Variants in TNKS observed in about 807,000 individuals in gnomAD.
TNKS encodes the protein tankyrase.
Under a neutral mutation model 135.8 loss-of-function variants are expected in TNKS, and 72 were observed. That is an observed-to-expected ratio of 0.53 (90% CI 0.44 to 0.64). The LOEUF (loss-of-function observed/expected upper bound fraction) is 0.64. Among genes scored for constraint, TNKS ranks in the 30% least tolerant of loss-of-function variants. The pLI, the probability that TNKS is intolerant of heterozygous loss-of-function variation, is 0.00. For synonymous variants in TNKS, 849 were observed against 649.3 expected (o/e 1.31, Z -4.68); for missense variants, 1,769 against 1,674.0 (o/e 1.06, Z -0.99).
chr8:9,636,555 C>G (rs546546406), intron 3 of TNKS, among the ~76,000 whole-genome samples: 8 of 152,254 alleles, frequency 5.3e-5, no homozygotes, highest in African/African-American at 1.9e-4. Flanking sequence ...TCCCAGGCCT[C>G]ATTTCAGATC....
intron 20 of TNKS, among the ~76,000 whole-genome samples, chr8:9,758,191 G>C (rs1806943302): frequency 6.6e-6 from 1 of 152,188 alleles, no homozygotes. Flanking sequence ...TCGGAACTGT[G>C]CTTGTTATGT....
At chr8:9,646,421 A>C (rs2128778923) in intron 3 of TNKS, among the ~76,000 whole-genome samples, 1 of 152,292 alleles carries the variant, frequency 6.6e-6, no homozygotes, top group South Asian at 2.1e-4. Flanking sequence ...TATTATTGCA[A>C]ATAGAAATCT....
intron 3 of TNKS, among the ~76,000 whole-genome samples, chr8:9,650,353 G>A (rs966624178): frequency 2.0e-5 from 3 of 152,112 alleles, no homozygotes; most frequent in Non-Finnish European, 4.4e-5. Flanking sequence ...GGGATTGCTG[G>A]ATCAAATGGT....
intron 12 of TNKS, among the ~76,000 whole-genome samples, chr8:9,721,867 CA>C (rs67480155): frequency 0.11 from 16,817 of 151,852 alleles, 1,307 homozygotes; most frequent in Admixed American, 0.24. Flanking sequence ...CCTTGGCCAA[CA>C]TGGTGAAACC....
chr8:9,704,741 C>A lies in TNKS; in HGVS notation c.1186C>A (p.His396Asn). ...QLLLQHGADV[H>N]AKDKGGLVPL... ...TCTTCTTCAGCATGGTGCTGATGTT[C>A]ATGCAAAAGACAAAGGGTAGGTCTA... The change falls in exon 6 of 27, where the codon CAT (histidine) becomes AAT (asparagine). Residue 396 changes from histidine (H) to asparagine (N), a missense_variant. Around this residue, in one of 5 missense-constraint regions of TNKS, gnomAD observed 523 missense variants for 541.0 expected, o/e 0.97. Coordinates refer to ENST00000310430, the MANE Select transcript of TNKS (RefSeq NM_003747.3). 2 of 1,612,740 alleles carry A rather than the reference C, an allele frequency of 1.2e-6. No individual in the cohort carries two copies. The highest frequency in any genetic ancestry group is 2.2e-5 in the South Asian group (2 of 90,882).
At chr8:9,684,878 C>G (rs1180865649) in intron 5 of TNKS, among the ~76,000 whole-genome samples, 2 of 152,068 alleles carry the variant, frequency 1.3e-5, no homozygotes, top group African/African-American at 2.4e-5. Context: ...GACATTGAAG[C>G]TAATGCATTA....
chr8:9,570,723 T>G (rs1797724903), intron 1 of TNKS, among the ~76,000 whole-genome samples: 1 of 152,220 alleles, frequency 6.6e-6, no homozygotes, highest in South Asian at 2.1e-4. Flanking sequence ...TCTTGTATTC[T>G]CTAGCTCGGA....
At chr8:9,705,026 C>G (rs1429093224) in intron 6 of TNKS, among the ~76,000 whole-genome samples, 1 of 152,094 alleles carries the variant, frequency 6.6e-6, no homozygotes, top group African/African-American at 2.4e-5. Flanking sequence ...GGTTTTTCAA[C>G]TCTTAAATTG....
intron 5 of TNKS, among the ~76,000 whole-genome samples, chr8:9,689,608 G>A (rs1489893557): frequency 6.6e-6 from 1 of 152,162 alleles, no homozygotes; most frequent in East Asian, 1.9e-4. Flanking sequence ...CATTAGAATT[G>A]GGAGAGAAGG....
At position 9,782,211 on chromosome 8, in the gene TNKS, C is replaced by CTT. The variant is rs1301644198; in HGVS notation, c.*5476_*5477dup. On this transcript the variant is annotated 3_prime_UTR_variant, in exon 27 of 27. Transcript: ENST00000310430. ...CTTTCCAAAGGAGGGCATCAAGGAA[C>CTT]TTAACCTGCCTGCCTGGTGGGTTTC... The CTT allele has an allele frequency of 5.9e-5, 9 of 152,746 alleles. No homozygotes were observed. The East Asian group carries it at 1.7e-3, about 30-fold the overall frequency. 9.5% of individuals were successfully genotyped at this position (152,746 alleles called of 1,614,324 possible).
chr8:9,668,958 T>G (rs1299147079), intron 3 of TNKS, among the ~76,000 whole-genome samples: 2 of 145,444 alleles, frequency 1.4e-5, no homozygotes, highest in African/African-American at 5.5e-5. Context: ...CTATTTTGAT[T>G]ATTATTATTA....
At chr8:9,632,816 G>C (rs902621062) in intron 3 of TNKS, among the ~76,000 whole-genome samples, 1 of 152,140 alleles carries the variant, frequency 6.6e-6, no homozygotes, top group Non-Finnish European at 1.5e-5. Flanking sequence ...TGCAAGCTCC[G>C]CCTCCCGGGT....
chr8:9,657,817 G>A (rs542970124), intron 3 of TNKS, among the ~76,000 whole-genome samples: 18 of 149,906 alleles, frequency 1.2e-4, no homozygotes, highest in South Asian at 2.1e-4. Flanking sequence ...GGCGGCTGCC[G>A]GGCGGAGAGG....
intron 3 of TNKS, among the ~76,000 whole-genome samples, chr8:9,675,815 C>T (rs1487595439): frequency 6.6e-6 from 1 of 152,022 alleles, no homozygotes; most frequent in African/African-American, 2.4e-5. Flanking sequence ...CTTAGTGAAA[C>T]CTAAGACAAT....
At position 9,782,111 on chromosome 8, in the gene TNKS, C is replaced by G. The variant is rs902084190; in HGVS notation, c.*5375C>G. 2.0e-5 allele frequency: 3 copies of G among 152,428 alleles called. No individual in the cohort carries two copies. The highest frequency in any genetic ancestry group is 4.4e-5 in the Non-Finnish European group (3 of 68,030). 9.4% of individuals were successfully genotyped at this position (152,428 alleles called of 1,614,324 possible). ...TACAGCTGTGGTCATGGGAAATCAC[C>G]TACAGCATGTTAAAGTCCTCTAGTC... On this transcript the variant is annotated 3_prime_UTR_variant, in exon 27 of 27. Coordinates refer to ENST00000310430, the MANE Select transcript of TNKS (RefSeq NM_003747.3).
At chr8:9,715,018 T>C (rs750755934) in intron 11 of TNKS, among the ~76,000 whole-genome samples, 3 of 152,096 alleles carry the variant, frequency 2.0e-5, no homozygotes, top group African/African-American at 4.8e-5. Context: ...CCTTTGAGGA[T>C]TGCCCATGTT....
chr8:9,628,459 TACA>T (rs1423223517), intron 3 of TNKS, among the ~76,000 whole-genome samples: 8 of 152,162 alleles, frequency 5.3e-5, no homozygotes, highest in Non-Finnish European at 8.8e-5. Flanking sequence ...CAAAATTTAT[TACA>T]ACTTCCTTTT....
At chr8:9,713,868 C>G (rs934565519) in intron 11 of TNKS, among the ~76,000 whole-genome samples, 2 of 152,120 alleles carry the variant, frequency 1.3e-5, no homozygotes, top group African/African-American at 2.4e-5. Context: ...GTATTTCTTT[C>G]TGAGGAACTC....
chr8:9,771,851 GGAGA>G (rs1294441568), intron 26 of TNKS, among the ~76,000 whole-genome samples: 1 of 10,464 alleles, frequency 9.6e-5, no homozygotes, highest in Non-Finnish European at 1.9e-4. Flanking sequence ...GGGGAGGGAG[GGAGA>G]GAGAGCTAGA....
Sources: allele counts gnomAD v4.1 joint callset (sites outside exome capture counted in the v4.1 genomes callset), GRCh38; gene constraint gnomAD v4.1.1; regional missense constraint gnomAD v4.1.1; transcripts MANE v1.5; gene names NCBI Gene and HGNC (gene_info 2026-07-23, HGNC 2026-07-21).